Variants in HS1BP3 observed in about 807,000 individuals in gnomAD.
The protein encoded by HS1BP3 is HCLS1 binding protein 3.
Under a neutral mutation model 33.5 loss-of-function variants are expected in HS1BP3, and 32 were observed. The observed-to-expected ratio is 0.95, with a 90% confidence interval of 0.72 to 1.28. The LOEUF (loss-of-function observed/expected upper bound fraction) is 1.28, where lower values mean the gene tolerates loss of function less well. Ranked by LOEUF, HS1BP3 falls within the 50% of genes most tolerant of loss-of-function variation. The pLI is 0.00. For missense variants in HS1BP3, 486 were observed against 502.3 expected (o/e 0.97, Z 0.31); for synonymous variants, 187 against 209.2 (o/e 0.89, Z 0.92).
chr2:20,557,846 A>G (rs1692876273), downstream of HS1BP3, among the ~76,000 whole-genome samples: 1 of 152,198 alleles, frequency 6.6e-6, no homozygotes, highest in African/African-American at 2.4e-5. Context: ...GGTTTAGGGC[A>G]ACAAGAGGAG....
intron 3 of HS1BP3, chr2:20,592,936 T>C (rs1314573574): frequency 1.3e-5 from 2 of 152,262 alleles, no homozygotes; most frequent in African/African-American, 4.8e-5. Context: ...CATGGCTTTT[T>C]TGGGGGCAAG....
At position 20,583,231 on chromosome 2, in the gene HS1BP3, C is replaced by T. The variant is rs908698919; in HGVS notation, c.303-22716G>A. ...GGTTGTCCCATTGCACTTCACCTTCCGATGCCATCCACAGAAACCAGCTTT... is the reference window on the plus strand; with the variant it reads ...GGTTGTCCCATTGCACTTCACCTTCTGATGCCATCCACAGAAACCAGCTTT... On this transcript the variant is annotated intron_variant, in intron 5 of 5. Transcript: ENST00000446825. Among the ~76,000 whole-genome samples, 40 of 152,336 alleles carry T rather than the reference C, an allele frequency of 2.6e-4. 1 individual carries two copies. Among genetic ancestry groups the T allele is most frequent in the African/African-American group, 8.4e-4 (35 of 41,560 alleles).
chr2:20,620,591 G>C (rs1694565632), intron 6 of HS1BP3, among the ~76,000 whole-genome samples: 1 of 152,214 alleles, frequency 6.6e-6, no homozygotes, highest in African/African-American at 2.4e-5. Context: ...CAGCACTGCA[G>C]GAGGAGAACT....
downstream of HS1BP3, among the ~76,000 whole-genome samples, chr2:20,557,257 T>G (rs571818333): frequency 6.6e-6 from 1 of 152,242 alleles, no homozygotes; most frequent in Non-Finnish European, 1.5e-5. Flanking sequence ...GATCTTATCA[T>G]TGGCCTTCCG....
chr2:20,566,983 TTGAG>T (rs1226901539), intron 5 of HS1BP3, among the ~76,000 whole-genome samples: 1 of 152,084 alleles, frequency 6.6e-6, no homozygotes, highest in East Asian at 1.9e-4. Context: ...AGAACAAGGA[TTGAG>T]TTTCTCCTAC....
intron 5 of HS1BP3, among the ~76,000 whole-genome samples, chr2:20,577,585 C>T (rs985870168): frequency 6.6e-6 from 1 of 152,096 alleles, no homozygotes; most frequent in African/African-American, 2.4e-5. Flanking sequence ...GCCTCCAGGC[C>T]CAAGGTGAGG....
At chr2:20,633,056 C>G (rs1291524495) in intron 4 of HS1BP3, among the ~76,000 whole-genome samples, 1 of 152,252 alleles carries the variant, frequency 6.6e-6, no homozygotes, top group Non-Finnish European at 1.5e-5. Flanking sequence ...CTTTCAGCCA[C>G]TGGGCCTCTA....
chr2:20,619,375 C>G, intron 6 of HS1BP3, 130 bp from the exon 7 acceptor site: 1 of 769,286 alleles, frequency 1.3e-6, no homozygotes, highest in Non-Finnish European at 2.1e-6. Flanking sequence ...CAGGTCAAGG[C>G]CCCGCCCTGC....
intron 2 of HS1BP3, among the ~76,000 whole-genome samples, chr2:20,642,299 T>C (rs1182027753): frequency 6.6e-6 from 1 of 152,104 alleles, no homozygotes; most frequent in Non-Finnish European, 1.5e-5. Flanking sequence ...ACACACATCC[T>C]TGGCTCCAGC....
chr2:20,579,471 T>G (rs1693480898), intron 5 of HS1BP3, among the ~76,000 whole-genome samples: 1 of 152,248 alleles, frequency 6.6e-6, no homozygotes, highest in Non-Finnish European at 1.5e-5. Flanking sequence ...GGAGATATCC[T>G]GCATGACTCA....
intron 5 of HS1BP3, among the ~76,000 whole-genome samples, chr2:20,565,923 C>A (rs1693115339): frequency 6.6e-6 from 1 of 152,266 alleles, no homozygotes; most frequent in Admixed American, 6.5e-5. Flanking sequence ...GGAAAAAGAA[C>A]AGCCATCATT....
chr2:20,602,596 C>A (rs536197333), intron 2 of HS1BP3, among the ~76,000 whole-genome samples: 1 of 151,626 alleles, frequency 6.6e-6, no homozygotes, highest in Non-Finnish European at 1.5e-5. Flanking sequence ...TATGATTGCT[C>A]ATTTTGTATA....
intron 2 of HS1BP3, among the ~76,000 whole-genome samples, chr2:20,612,361 T>G (rs918982262): frequency 1.5e-4 from 23 of 152,246 alleles, no homozygotes; most frequent in African/African-American, 5.3e-4. Context: ...CCATTTTAAG[T>G]GTACAATTGA....
intron 1 of HS1BP3, among the ~76,000 whole-genome samples, chr2:20,646,180 G>C (rs140493691): frequency 3.2e-4 from 48 of 152,338 alleles, no homozygotes; most frequent in African/African-American, 1.2e-3. Context: ...TTCTTGAAGT[G>C]GAAAAAGTTA....
At chr2:20,648,643 C>A (rs866640229) in intron 1 of HS1BP3, among the ~76,000 whole-genome samples, 20 of 152,312 alleles carry the variant, frequency 1.3e-4, no homozygotes, top group Middle Eastern at 3.4e-3. Flanking sequence ...CTGTACCCCT[C>A]CCCAGGTGAT....
chr2:20,562,088 C>CAAG (rs1693013658), intron 5 of HS1BP3, among the ~76,000 whole-genome samples: 1 of 152,216 alleles, frequency 6.6e-6, no homozygotes, highest in South Asian at 2.1e-4. Context: ...TGCACCCGGA[C>CAAG]AAGGCATGGA....
intron 3 of HS1BP3, 190 bp downstream of exon 3, chr2:20,640,783 T>C (rs1695314436): frequency 1.6e-6 from 1 of 631,850 alleles, no homozygotes; most frequent in Admixed American, 2.9e-5. Flanking sequence ...AGACGTTCAG[T>C]CCCTCAAGGG....
intron 5 of HS1BP3, among the ~76,000 whole-genome samples, chr2:20,562,253 A>G (rs1303889597): frequency 6.6e-6 from 1 of 152,104 alleles, no homozygotes; most frequent in African/African-American, 2.4e-5. Context: ...CTGAGGTGGG[A>G]AGAATGCTTG....
chr2:20,588,336 G>T (rs944055329), downstream of HS1BP3, among the ~76,000 whole-genome samples: 7 of 152,064 alleles, frequency 4.6e-5, no homozygotes, highest in Admixed American at 4.6e-4. Context: ...ATTCCAAGCC[G>T]ATTGTTTGCT....
Sources: allele counts gnomAD v4.1 joint callset (sites outside exome capture counted in the v4.1 genomes callset), GRCh38; gene constraint gnomAD v4.1.1; transcripts MANE v1.5; gene names NCBI Gene and HGNC (gene_info 2026-07-23, HGNC 2026-07-21).